Variants in TJP1 observed in about 807,000 individuals in gnomAD.
TJP1 encodes tight junction protein ZO-1.
A neutral mutation model predicts 194.2 loss-of-function variants in TJP1; 43 were observed. The observed-to-expected ratio is 0.22, with a 90% CI of 0.17 to 0.29. The LOEUF (loss-of-function observed/expected upper bound fraction) is 0.29. TJP1 is among the 10% of genes least tolerant of loss of function. TJP1 has a pLI of 1.00. For synonymous variants in TJP1, 801 were observed against 779.0 expected (o/e 1.03, Z -0.47); for missense variants, 1,971 against 2,185.7 (o/e 0.90, Z 1.96).
At chr15:29,718,153 T>C (rs749434322) in intron 21 of TJP1, 35 bp from the exon 22 acceptor site, 23 of 1,557,532 alleles carry the variant, frequency 1.5e-5, no homozygotes, top group Non-Finnish European at 7.9e-6. Context: ...AAGACAAATA[T>C]GCCTAAGGAA....
At chr15:29,706,436 A>G (rs2041904825) in intron 25 of TJP1, among the ~76,000 whole-genome samples, 1 of 152,150 alleles carries the variant, frequency 6.6e-6, no homozygotes. Flanking sequence ...AAAATCGGAA[A>G]CTTTTTTTTG....
chr15:29,701,043 T>C lies in TJP1; in HGVS notation c.*552A>G, dbSNP rs2041510353. On this transcript the variant is annotated 3_prime_UTR_variant, in exon 28 of 28. Coordinates refer to ENST00000614355, the MANE Select transcript of TJP1 (RefSeq NM_001330239.4). ...ATCCTTCCCTAAGAAAAATGTGTTT[T>C]CATGTACAGTAAGTCATTGTCTTCA... is the stretch of plus-strand genomic sequence containing the variant. 6.5e-6 allele frequency: 1 copy of C among 153,214 alleles called. No individual in the cohort carries two copies. The highest frequency in any genetic ancestry group is 2.4e-5 in the African/African-American group (1 of 41,466). The allele number at this position is 153,214 out of a possible 1,614,324, so 9.5% of individuals were successfully genotyped here. A position where few individuals can be genotyped will look rare whatever the true frequency, so the allele number is the denominator to read the frequency against.
intron 2 of TJP1, among the ~76,000 whole-genome samples, chr15:29,907,454 C>A (rs765087324): frequency 5.3e-5 from 8 of 152,050 alleles, no homozygotes; most frequent in Non-Finnish European, 8.8e-5. Context: ...TACATGTATT[C>A]ATATGCCATT....
intron 1 of TJP1, among the ~76,000 whole-genome samples, chr15:29,966,518 A>G (rs2056338150): frequency 6.6e-6 from 1 of 152,028 alleles, no homozygotes. Context: ...ATAAATAAAT[A>G]AATAAATAAT....
At position 29,869,796 on chromosome 15, in the gene TJP1, T is replaced by A. The variant is rs1411934408; in HGVS notation, c.307-69094A>T. Reference sequence around the variant, plus strand: ...TCCCCTGTCTTTCTTTCTTTCTTTCTTTTTTTTTTTTTTTTTTTTTTTTTT... The same window carrying A: ...TCCCCTGTCTTTCTTTCTTTCTTTCATTTTTTTTTTTTTTTTTTTTTTTTT... On this transcript the variant is annotated intron_variant, in intron 2 of 28. Transcript: ENST00000356107. Among the ~76,000 whole-genome samples the A allele has an allele frequency of 5.3e-3, 139 of 26,238 alleles. 3 individuals carry two copies. In the East Asian group the frequency reaches 0.13, roughly 25 times the overall value. The allele number at this position is 26,238 out of a possible 152,430, so 17.2% of individuals were successfully genotyped here. A position where few individuals can be genotyped will look rare whatever the true frequency, so the allele number is the denominator to read the frequency against.
intron 9 of TJP1, 94 bp from the exon 10 acceptor site, chr15:29,741,530 A>T (rs2044419363): frequency 1.3e-6 from 1 of 786,052 alleles, no homozygotes; most frequent in South Asian, 1.6e-5. Flanking sequence ...AGTTCAGAGA[A>T]CCTGATGAGG....
chr15:29,728,951 T>C (rs1184736866), intron 15 of TJP1: 5 of 152,188 alleles, frequency 3.3e-5, no homozygotes, highest in African/African-American at 7.2e-5. Flanking sequence ...AGACTGTCAT[T>C]AGACTCAAAG....
At chr15:29,949,843 A>C (rs373758398) in intron 2 of TJP1, among the ~76,000 whole-genome samples, 482 of 5,692 alleles carry the variant, frequency 0.085, no homozygotes, top group East Asian at 0.12. Flanking sequence ...CCACCTCCAC[A>C]ACCACCACCT....
chr15:29,749,668 C>T (rs1239352400), intron 8 of TJP1, among the ~76,000 whole-genome samples: 1 of 152,160 alleles, frequency 6.6e-6, no homozygotes, highest in Non-Finnish European at 1.5e-5. Context: ...AGTACAAATA[C>T]CATGCAAGTT....
At chr15:29,714,363 A>T (rs1388081934) in intron 23 of TJP1, among the ~76,000 whole-genome samples, 2 of 123,716 alleles carry the variant, frequency 1.6e-5, no homozygotes, top group Non-Finnish European at 3.5e-5. Context: ...CTCAGCCTCC[A>T]GAGTAGCTGG....
intron 1 of TJP1, among the ~76,000 whole-genome samples, chr15:29,958,901 A>C (rs2056049757): frequency 7.9e-6 from 1 of 125,980 alleles, no homozygotes; most frequent in Non-Finnish European, 1.7e-5. Flanking sequence ...ACTTCTCCAG[A>C]TTGCAAACTT....
rs568178115 is a variant in TJP1, at chr15:29,880,979, G to A, written c.306+75253C>T. Among the ~76,000 whole-genome samples, 11 of 152,236 alleles carry A rather than the reference G, an allele frequency of 7.2e-5. No individual in the cohort carries two copies. The South Asian group carries it at 1.9e-3, about 26-fold the overall frequency. On this transcript the variant is annotated intron_variant, in intron 2 of 28. Transcript: ENST00000356107. Reference sequence around the variant, plus strand: ...TACCTATAAATGAGATTGCTAGATCGTGTAATTCTATTTTTCATTTTTTGA... The same window carrying A: ...TACCTATAAATGAGATTGCTAGATCATGTAATTCTATTTTTCATTTTTTGA...
intron 10 of TJP1, chr15:29,740,945 C>A: frequency 5.2e-6 from 1 of 191,584 alleles, no homozygotes; most frequent in Non-Finnish European, 1.0e-5. Context: ...ACAGGACAGC[C>A]CCTCACAACA....
At chr15:29,831,605 G>T (rs2050839148) in intron 2 of TJP1, among the ~76,000 whole-genome samples, 1 of 152,162 alleles carries the variant, frequency 6.6e-6, no homozygotes, top group African/African-American at 2.4e-5. Context: ...AGGAAAATGG[G>T]ACTGCTGTGG....
intron 2 of TJP1, among the ~76,000 whole-genome samples, chr15:29,840,348 G>A (rs1317942684): frequency 6.6e-6 from 1 of 152,112 alleles, no homozygotes; most frequent in African/African-American, 2.4e-5. Flanking sequence ...TTTTCTAGAA[G>A]TTTTATAGTT....
chr15:29,741,196 TATAAAA>T (rs1167952162), intron 10 of TJP1, 129 bp downstream of exon 10: 2 of 653,924 alleles, frequency 3.1e-6, no homozygotes, highest in Admixed American at 3.7e-5. Flanking sequence ...GAATGTTAAA[TATAAAA>T]ATAATCATAG....
At chr15:29,805,383 G>A (rs1281321801) in intron 1 of TJP1, among the ~76,000 whole-genome samples, 1 of 152,142 alleles carries the variant, frequency 6.6e-6, no homozygotes, top group Non-Finnish European at 1.5e-5. Context: ...TGAAAAGACA[G>A]GATGAGCCTA....
At chr15:29,762,237 C>T (rs574023157) in intron 6 of TJP1, 98 bp downstream of exon 6, 3 of 982,434 alleles carry the variant, frequency 3.1e-6, no homozygotes, top group African/African-American at 3.3e-5. Context: ...TTTTAATTCT[C>T]TTTGGCAAAA....
chr15:29,786,163 AAC>A (rs2047686404), intron 2 of TJP1, among the ~76,000 whole-genome samples: 1 of 152,310 alleles, frequency 6.6e-6, no homozygotes, highest in African/African-American at 2.4e-5. Flanking sequence ...TCGGTTTTTT[AAC>A]AGTTATGTCC....
Sources: gnomAD v4.1 joint callset for allele counts (sites outside exome capture counted in the v4.1 genomes callset) on GRCh38, gnomAD v4.1.1 for gene constraint, MANE v1.5 for transcripts, NCBI Gene and HGNC (gene_info 2026-07-23, HGNC 2026-07-21) for gene names.